The following MTA3 variants were observed in gnomAD, a reference collection of about 807,000 sequenced individuals.
The protein encoded by MTA3 is metastasis associated 1 family member 3.
MTA3 carries 34 observed loss-of-function variants against 83.5 expected under a neutral mutation model. The ratio of observed to expected loss-of-function variants is 0.41; its 90% confidence interval spans 0.31 to 0.54. MTA3 has a LOEUF of 0.54. MTA3 is among the 20% of genes least tolerant of loss of function. The pLI, the probability that MTA3 is intolerant of heterozygous loss-of-function variation, is 0.33. For synonymous variants in MTA3, 303 were observed against 252.7 expected, an observed-to-expected ratio of 1.20 and a Z score of -1.89; for missense variants, 761 against 726.4, an observed-to-expected ratio of 1.05 and a Z score of -0.55.
At chr2:42,657,429 G>A (rs1225217675) in intron 7 of MTA3, among the ~76,000 whole-genome samples, 3 of 152,152 alleles carry the variant, frequency 2.0e-5, no homozygotes, top group Admixed American at 2.0e-4. Flanking sequence ...CCCTTGTTGA[G>A]TACAGAATAT....
chr2:42,719,196 C>T, intron 15 of MTA3, 122 bp downstream of exon 15: 1 of 657,020 alleles, frequency 1.5e-6, no homozygotes, highest in Non-Finnish European at 2.6e-6. Flanking sequence ...AAATTGGATA[C>T]CTTTATATAG....
intron 4 of MTA3, among the ~76,000 whole-genome samples, chr2:42,638,642 C>T (rs1329037400): frequency 6.6e-6 from 1 of 151,948 alleles, no homozygotes; most frequent in African/African-American, 2.4e-5. Context: ...GCTGAGATTA[C>T]AGGTGTGAGC....
At chr2:42,650,888 T>C (rs1021546260) in intron 6 of MTA3, among the ~76,000 whole-genome samples, 1 of 152,240 alleles carries the variant, frequency 6.6e-6, no homozygotes, top group Admixed American at 6.5e-5. Context: ...CTAATTCTTT[T>C]GTGGCCATGC....
At chr2:42,585,085 TA>T (rs1387412717) in intron 3 of MTA3, among the ~76,000 whole-genome samples, 1 of 151,044 alleles carries the variant, frequency 6.6e-6, no homozygotes, top group Non-Finnish European at 1.5e-5. Context: ...AATAATCAAA[TA>T]ATAATAATAA....
Position 42,577,983 on chromosome 2 carries a change from A to G in MTA3, c.97-1124A>G, listed in dbSNP as rs80095288. ...CTTCTGGAGAATGTATTTGATCACAATATTATGAAATATAGAAGCACTTTG... is the reference window on the plus strand; with the variant it reads ...CTTCTGGAGAATGTATTTGATCACAGTATTATGAAATATAGAAGCACTTTG... On this transcript the variant is annotated intron_variant, in intron 2 of 16. Transcript: ENST00000405094. 6.5e-3 allele frequency among the ~76,000 whole-genome samples: 983 copies of G among 152,340 alleles called. 9 individuals carry two copies. Among genetic ancestry groups the G allele is most frequent in the African/African-American group, 0.022 (901 of 41,576 alleles).
At chr2:42,708,476 A>T (rs1266637553) in intron 13 of MTA3, among the ~76,000 whole-genome samples, 2 of 152,224 alleles carry the variant, frequency 1.3e-5, no homozygotes, top group Admixed American at 6.5e-5. Flanking sequence ...AACAGTTTAA[A>T]TGTGATTTTG....
intron 2 of MTA3, among the ~76,000 whole-genome samples, chr2:42,520,808 C>T (rs1222451967): frequency 1.3e-5 from 2 of 152,146 alleles, no homozygotes; most frequent in Non-Finnish European, 2.9e-5. Context: ...TCAAGCGATT[C>T]TCCTGCCTTG....
intron 16 of MTA3, among the ~76,000 whole-genome samples, chr2:42,745,884 G>T (rs112865394): frequency 0.12 from 17,121 of 146,166 alleles, 1,080 homozygotes; most frequent in South Asian, 0.17. Context: ...CTCAATCTTA[G>T]CTCGCTGCAA....
intron 2 of MTA3, among the ~76,000 whole-genome samples, chr2:42,518,136 G>T (rs1395529960): frequency 6.6e-6 from 1 of 151,314 alleles, no homozygotes; most frequent in Admixed American, 6.6e-5. Flanking sequence ...AGCCGAGATC[G>T]CACCATTGCA....
chr2:42,695,759 TTTC>T lies in MTA3; in HGVS notation c.892-5_892-3del. The T allele has an allele frequency of 6.5e-7, 1 of 1,543,738 alleles. No individual in the cohort carries two copies. The highest frequency in any genetic ancestry group is 1.2e-5 in the South Asian group (1 of 80,646). ...TAGATGATAGGTTGATTTTTTTTTT[TTTC>T]AGCTTCCTTGGAAATCATTGACTAG... On this transcript the variant is annotated splice_polypyrimidine_tract_variant and splice_region_variant and intron_variant, in intron 9 of 16. Coordinates refer to ENST00000405094, the MANE Select transcript of MTA3 (RefSeq NM_001330442.2).
rs369666615 is a variant in MTA3 at position 42,704,269 on chromosome 2, G to A, written c.1101G>A (p.Thr367=). The change falls in exon 12 of 17, where the codon ACG becomes ACA. Residue 367 remains threonine, a synonymous_variant. Transcript: ENST00000405094. The part of the protein sequence containing the change: ...PGAVNGAVGT[T]FQPQNPLLGR... ...CTGTGAATGGAGCTGTGGGGACCAC[G>A]TTCCAGCCTCAGAATCCTCTCTTAG... The A allele has an allele frequency of 8.9e-5, 144 of 1,613,954 alleles. No homozygotes were observed. Among genetic ancestry groups the A allele is most frequent in the Admixed American group, 1.3e-4 (8 of 60,026 alleles).
At chr2:42,619,861 C>G (rs1297101466) in intron 4 of MTA3, among the ~76,000 whole-genome samples, 1 of 152,090 alleles carries the variant, frequency 6.6e-6, no homozygotes, top group African/African-American at 2.4e-5. Context: ...ATCCGTGGTA[C>G]CAGGCCGAGC....
intron 2 of MTA3, among the ~76,000 whole-genome samples, chr2:42,547,145 A>C (rs1441975243): frequency 1.3e-5 from 2 of 152,192 alleles, no homozygotes; most frequent in Non-Finnish European, 2.9e-5. Context: ...GGAGTCTGGA[A>C]GTCTACTGAT....
At chr2:42,627,620 G>A (rs2104234496) in intron 4 of MTA3, among the ~76,000 whole-genome samples, 1 of 151,600 alleles carries the variant, frequency 6.6e-6, no homozygotes, top group Non-Finnish European at 1.5e-5. Context: ...TTGGAGTGCA[G>A]TGGTGTCATC....
At chr2:42,708,741 A>C in intron 13 of MTA3, 133 bp from the exon 14 acceptor site, 1 of 867,846 alleles carries the variant, frequency 1.2e-6, no homozygotes, top group Non-Finnish European at 1.8e-6. Flanking sequence ...TTTTAGAGGT[A>C]GTGCACCAAG....
chr2:42,704,110 AG>A, intron 11 of MTA3, 83 bp from the exon 12 acceptor site: 2 of 1,397,170 alleles, frequency 1.4e-6, no homozygotes, highest in Non-Finnish European at 1.9e-6. Context: ...TTTATTAAAT[AG>A]TGACGGTAAA....
intron 2 of MTA3, among the ~76,000 whole-genome samples, chr2:42,576,030 T>G (rs1573024657): frequency 6.6e-6 from 1 of 152,162 alleles, no homozygotes; most frequent in Non-Finnish European, 1.5e-5. Context: ...TCTTTATTTC[T>G]GAAGGGATGT....
chr2:42,499,520 G>A (rs1461408881), intron 2 of MTA3, among the ~76,000 whole-genome samples: 1 of 151,402 alleles, frequency 6.6e-6, no homozygotes, highest in African/African-American at 2.4e-5. Flanking sequence ...AGTGGGACAT[G>A]ATGGCTCATG....
At chr2:42,539,778 GCCCAGGCTGGT>G (rs1676438948) in intron 2 of MTA3, among the ~76,000 whole-genome samples, 1 of 151,844 alleles carries the variant, frequency 6.6e-6, no homozygotes, top group South Asian at 2.1e-4. Context: ...TCACTATGTT[GCCCAGGCTGGT>G]CTTGAACTCC....
Sources: allele counts gnomAD v4.1 joint callset (sites outside exome capture counted in the v4.1 genomes callset), GRCh38; gene constraint gnomAD v4.1.1; transcripts MANE v1.5; gene names NCBI Gene and HGNC (gene_info 2026-07-23, HGNC 2026-07-21).